USP43: variants seen among roughly 807,000 people sequenced by gnomAD.
USP43 encodes the protein ubiquitin carboxyl-terminal hydrolase 43.
In USP43, 33 loss-of-function variants were observed where a neutral mutation model predicts 90.7. That is an observed-to-expected ratio of 0.36 (90% CI 0.28 to 0.49). The LOEUF (loss-of-function observed/expected upper bound fraction) is 0.49, where lower values mean the gene tolerates loss of function less well. Among genes scored for constraint, USP43 ranks in the 20% least tolerant of loss-of-function variants. USP43 has a pLI of 0.98. For synonymous variants in USP43, 598 were observed against 615.8 expected, an observed-to-expected ratio of 0.97 and a Z score of 0.43; for missense variants, 1,274 against 1,476.4, an observed-to-expected ratio of 0.86 and a Z score of 2.25.
At chr17:9,691,569 T>G (rs1330888450) in intron 8 of USP43, among the ~76,000 whole-genome samples, 1 of 152,138 alleles carries the variant, frequency 6.6e-6, no homozygotes, top group African/African-American at 2.4e-5. Context: ...TTCAAGCCCC[T>G]CCTTGCGACT....
At chr17:9,694,370 C>G (rs771506662) in intron 9 of USP43, among the ~76,000 whole-genome samples, 1 of 152,144 alleles carries the variant, frequency 6.6e-6, no homozygotes, top group African/African-American at 2.4e-5. Context: ...GTTTGGGTCT[C>G]CCAGGGAGAG....
chr17:9,720,603 C>T (rs1286410843), intron 14 of USP43, among the ~76,000 whole-genome samples: 1 of 152,002 alleles, frequency 6.6e-6, no homozygotes, highest in Non-Finnish European at 1.5e-5. Context: ...ATTCTCCTGC[C>T]TCAGCCTTCC....
At chr17:9,664,697 G>T (rs1041098038) in intron 2 of USP43, among the ~76,000 whole-genome samples, 1 of 151,334 alleles carries the variant, frequency 6.6e-6, no homozygotes, top group Non-Finnish European at 1.5e-5. Context: ...GAGTGCAGTG[G>T]CACGATCTCG....
chr17:9,701,696 C>T lies in USP43; in HGVS notation c.2007C>T (p.Tyr669=), dbSNP rs375335200. ...NHHGNLQGGH[Y]TAYCRNSLDG... Reference sequence around the variant, plus strand: ...ATGGCAACCTGCAAGGTGGGCATTACACAGGTGAGCCTTGCCTTGCCTTTC... The same window carrying T: ...ATGGCAACCTGCAAGGTGGGCATTATACAGGTGAGCCTTGCCTTGCCTTTC... The change falls in exon 12 of 15, where the codon TAC becomes TAT. Residue 669 remains tyrosine (Y), a synonymous_variant. Coordinates refer to ENST00000285199, the MANE Select transcript of USP43 (RefSeq NM_153210.5). The surrounding 1 kb of genome is among the most constrained non-coding windows in gnomAD (Gnocchi z 7.2). 1.6e-4 allele frequency: 253 copies of T among 1,546,878 alleles called. No individual in the cohort carries two copies. In the African/African-American group the frequency reaches 2.9e-3, roughly 18 times the overall value.
chr17:9,692,139 G>A (rs1326851607), intron 8 of USP43, among the ~76,000 whole-genome samples: 2 of 151,834 alleles, frequency 1.3e-5, no homozygotes, highest in Admixed American at 6.6e-5. Flanking sequence ...TGGGCGGATC[G>A]CGTGAGGTCA....
At position 9,656,530 on chromosome 17, in the gene USP43, A is replaced by G. The variant is rs144852632; in HGVS notation, c.632A>G (p.Glu211Gly). The change falls in exon 2 of 15, where the codon GAG becomes GGG. Residue 211 changes from glutamate (E) to glycine (G), a missense_variant. Glu to Gly is a moderately conservative substitution (Grantham distance 98). Transcript: ENST00000285199. ...GGTTCATCCCGAGGGCCGGTGTCGGAGAAGGTCGGTCACTCTCAAAACAAC... is the reference window on the plus strand; with the variant it reads ...GGTTCATCCCGAGGGCCGGTGTCGGGGAAGGTCGGTCACTCTCAAAACAAC... ...LEGSSRGPVS[E>G]KLPPEATKTS... The G allele has an allele frequency of 1.2e-6, 2 of 1,610,602 alleles. No homozygotes were observed. Among genetic ancestry groups the G allele is most frequent in the African/African-American group, 2.7e-5 (2 of 74,976 alleles).
At chr17:9,700,499 A>G (rs576152575) in intron 10 of USP43, among the ~76,000 whole-genome samples, 1 of 152,284 alleles carries the variant, frequency 6.6e-6, no homozygotes, top group Admixed American at 6.5e-5. Flanking sequence ...GTCATAGTAG[A>G]CAGTTACGTA....
At chr17:9,683,389 T>TTTTTTTTTTTTTTTTTTTTTTTTTTTG (rs1914416925) in intron 7 of USP43, among the ~76,000 whole-genome samples, 1 of 152,190 alleles carries the variant, frequency 6.6e-6, no homozygotes. Flanking sequence ...ATAGCTTTCT[T>TTTTTTTTTTTTTTTTTTTTTTTTTTTG]ATATAGCCCA....
At position 9,661,280 on chromosome 17, in the gene USP43, G is replaced by T. The variant is rs190196879; in HGVS notation, c.636+4746G>T. 4.0e-3 allele frequency among the ~76,000 whole-genome samples: 606 copies of T among 152,310 alleles called. 2 individuals are homozygous for T. Among genetic ancestry groups the T allele is most frequent in the African/African-American group, 0.013 (559 of 41,574 alleles). Reference sequence around the variant, plus strand: ...ATGAGGCTGGGGAGAAGATAAGGAAGTTGACATATATTAAACACTGACTAT... The same window carrying T: ...ATGAGGCTGGGGAGAAGATAAGGAATTTGACATATATTAAACACTGACTAT... On this transcript the variant is annotated intron_variant, in intron 2 of 14. Coordinates refer to ENST00000285199, the MANE Select transcript of USP43 (RefSeq NM_153210.5).
At chr17:9,685,270 G>A (rs924360158) in intron 7 of USP43, among the ~76,000 whole-genome samples, 1 of 152,220 alleles carries the variant, frequency 6.6e-6, no homozygotes, top group African/African-American at 2.4e-5. Flanking sequence ...GAAGCAGTGA[G>A]TCGCTAGTGA....
intron 14 of USP43, among the ~76,000 whole-genome samples, chr17:9,725,634 A>G (rs4791357): frequency 0.021 from 3,218 of 152,278 alleles, 54 homozygotes; most frequent in African/African-American, 0.046. Context: ...TTTCACTGCC[A>G]TCTCGAGAAA....
At chr17:9,706,033 G>A (rs1915856012) in intron 12 of USP43, among the ~76,000 whole-genome samples, 1 of 152,032 alleles carries the variant, frequency 6.6e-6, no homozygotes, top group South Asian at 2.1e-4. Context: ...TTGGATTTTT[G>A]CCCATCTAAT....
At chr17:9,648,837 CTTTCTCTTTCTG>C (rs1050071876) in intron 1 of USP43, among the ~76,000 whole-genome samples, 5 of 151,750 alleles carry the variant, frequency 3.3e-5, no homozygotes, top group Non-Finnish European at 7.4e-5. Context: ...TTGTCTTTTC[CTTTCTCTTTCTG>C]TTTCTCTTTC....
chr17:9,710,219 C>G, intron 13 of USP43, 105 bp downstream of exon 13: 2 of 1,261,168 alleles, frequency 1.6e-6, no homozygotes, highest in Non-Finnish European at 2.0e-6. Context: ...TGGCAAGGAT[C>G]TGAAAGAGGA....
chr17:9,715,653 CTA>C (rs942075141), intron 14 of USP43, among the ~76,000 whole-genome samples: 13 of 129,882 alleles, frequency 1.0e-4, no homozygotes, highest in East Asian at 4.7e-4. Context: ...GTGTGTGTCT[CTA>C]TGTGTATGTG....
At chr17:9,649,294 G>A (rs909485270) in intron 1 of USP43, among the ~76,000 whole-genome samples, 20 of 152,144 alleles carry the variant, frequency 1.3e-4, no homozygotes, top group African/African-American at 3.1e-4. Flanking sequence ...GTGACAGAGC[G>A]AGACTCCCTC....
At chr17:9,656,656 C>G in intron 2 of USP43, 122 bp downstream of exon 2, 2 of 1,282,648 alleles carry the variant, frequency 1.6e-6, no homozygotes, top group Non-Finnish European at 2.1e-6. Context: ...AGTCTGGCTA[C>G]TATATCCACA....
intron 4 of USP43, 52 bp from the exon 5 acceptor site, chr17:9,676,694 A>G: frequency 6.4e-7 from 1 of 1,573,882 alleles, no homozygotes; most frequent in East Asian, 2.3e-5. Context: ...CAACAATGTC[A>G]TTCACAGTTC....
intron 14 of USP43, among the ~76,000 whole-genome samples, chr17:9,717,360 AGT>A (rs56058514): frequency 0.33 from 47,418 of 144,908 alleles, 7,645 homozygotes; most frequent in African/African-American, 0.41. Flanking sequence ...GCTTGGGCAC[AGT>A]GTGTGTGTGT....
Sources: allele counts gnomAD v4.1 joint callset (sites outside exome capture counted in the v4.1 genomes callset), GRCh38; gene constraint gnomAD v4.1.1; non-coding constraint Gnocchi (gnomAD v3.1); transcripts MANE v1.5; gene names NCBI Gene and HGNC (gene_info 2026-07-23, HGNC 2026-07-21).